Variants in PRMT8 observed in about 807,000 individuals in gnomAD.
The protein encoded by PRMT8 is protein arginine N-methyltransferase 8.
In PRMT8, 7 loss-of-function variants were observed where a neutral mutation model predicts 47.1. The ratio of observed to expected loss-of-function variants is 0.15; its 90% confidence interval spans 0.08 to 0.28. The LOEUF is 0.28. Among genes scored for constraint, PRMT8 ranks in the 10% least tolerant of loss-of-function variants. The probability of loss-of-function intolerance (pLI) is 1.00; values close to 1 mark genes in which losing one functional copy is unlikely to be tolerated. For missense variants in PRMT8, 237 were observed against 505.4 expected (o/e 0.47, Z 5.09); for synonymous variants, 188 against 186.5 (o/e 1.01, Z -0.07).
chr12:3,546,590 C>T (rs1866331746), intron 2 of PRMT8, among the ~76,000 whole-genome samples: 1 of 152,174 alleles, frequency 6.6e-6, no homozygotes, highest in South Asian at 2.1e-4. Context: ...AAAATGGATA[C>T]ATGCCTTGAA....
intron 2 of PRMT8, among the ~76,000 whole-genome samples, chr12:3,547,686 A>C (rs1188997235): frequency 1.3e-5 from 2 of 152,196 alleles, no homozygotes; most frequent in Non-Finnish European, 2.9e-5. Context: ...TTTTTTTGAA[A>C]AACTAAATAA....
At chr12:3,587,211 GA>G (rs1867197675) in intron 8 of PRMT8, among the ~76,000 whole-genome samples, 1 of 147,604 alleles carries the variant, frequency 6.8e-6, no homozygotes, top group Admixed American at 6.8e-5. Flanking sequence ...TTAATATAAT[GA>G]ATATCCATGA....
At position 3,593,626 on chromosome 12, in the gene PRMT8, G is replaced by A. The variant is rs148712100; in HGVS notation, c.*444G>A. On this transcript the variant is annotated 3_prime_UTR_variant, in exon 10 of 10. Transcript: ENST00000382622. This position sits in a 1 kb window ranked among gnomAD's most constrained non-coding sequence, Gnocchi z 4.8. ...TGTGTGCGGTGGTGTGCGTGTGCGT[G>A]CATGTGTGAATGTGAGCAGCATAGT... 402 of 208,828 alleles carry A rather than the reference G, an allele frequency of 1.9e-3. 2 individuals are homozygous for A. The highest frequency in any genetic ancestry group is 9.2e-3 in the African/African-American group (387 of 42,088). The allele number at this position is 208,828 out of a possible 1,614,324, so 12.9% of individuals were successfully genotyped here.
chr12:3,591,206 A>G (rs1248276498), intron 8 of PRMT8, among the ~76,000 whole-genome samples: 1 of 152,016 alleles, frequency 6.6e-6, no homozygotes, highest in East Asian at 1.9e-4. Context: ...AATGGCAGAT[A>G]TGGGGGAGGC....
At chr12:3,568,532 G>A (rs998947747) in intron 4 of PRMT8, among the ~76,000 whole-genome samples, 174 bp from the exon 5 acceptor site, 1 of 152,194 alleles carries the variant, frequency 6.6e-6, no homozygotes, top group Admixed American at 6.5e-5. Flanking sequence ...AAAACATGCA[G>A]GTAGTTTTCA....
At chr12:3,455,147 C>T (rs961798459) in intron 1 of PRMT8, among the ~76,000 whole-genome samples, 3 of 152,146 alleles carry the variant, frequency 2.0e-5, no homozygotes, top group African/African-American at 4.8e-5. Context: ...TAAACTCTTT[C>T]TCTGCTGCAG....
chr12:3,448,336 A>G (rs367851888), intron 1 of PRMT8, among the ~76,000 whole-genome samples: 27 of 152,224 alleles, frequency 1.8e-4, no homozygotes, highest in African/African-American at 6.0e-4. Flanking sequence ...CATTGAGGGC[A>G]CCAAAGAGCT....
At chr12:3,454,471 G>T (rs182808608) in intron 1 of PRMT8, among the ~76,000 whole-genome samples, 9 of 152,238 alleles carry the variant, frequency 5.9e-5, no homozygotes, top group African/African-American at 2.2e-4. Flanking sequence ...TCTAGGGGAG[G>T]GGGGTGTCTA....
intron 1 of PRMT8, among the ~76,000 whole-genome samples, chr12:3,518,041 GA>G (rs71061121): frequency 0.99 from 146,701 of 147,528 alleles, 72,940 homozygotes; most frequent in Middle Eastern, 1. Context: ...CCCTTAAAGA[GA>G]AAAAAAAAAA....
intron 1 of PRMT8, among the ~76,000 whole-genome samples, chr12:3,397,960 A>C (rs1341036215): frequency 1.3e-5 from 2 of 152,146 alleles, no homozygotes; most frequent in African/African-American, 4.8e-5. Flanking sequence ...TTCGGGTGGG[A>C]GTGGCCTGAT....
intron 8 of PRMT8, among the ~76,000 whole-genome samples, chr12:3,591,337 C>G (rs978147711): frequency 1.3e-5 from 2 of 151,938 alleles, no homozygotes; most frequent in Non-Finnish European, 2.9e-5. Context: ...ACACCTGAAA[C>G]CCTACAGCAG....
intron 1 of PRMT8, among the ~76,000 whole-genome samples, chr12:3,505,360 G>A (rs925783945): frequency 5.3e-5 from 8 of 152,222 alleles, no homozygotes; most frequent in Admixed American, 4.6e-4. Flanking sequence ...GCAAATGGCT[G>A]ATGAATGGCC....
Position 3,538,968 on chromosome 12 carries a change from TC to T in PRMT8, c.76-1634del, listed in dbSNP as rs560523578. Among the ~76,000 whole-genome samples, 12 of 152,224 alleles carry T rather than the reference TC, an allele frequency of 7.9e-5. No homozygotes were observed. The highest frequency in any genetic ancestry group is 2.9e-4 in the African/African-American group (12 of 41,540). On this transcript the variant is annotated intron_variant, in intron 1 of 9. Transcript: ENST00000382622. This position sits in a 1 kb window ranked among gnomAD's most constrained non-coding sequence, Gnocchi z 4.6. ...GACCATCCCACTGCCCCCAGCTCACTCCCCTGCAGCCCTGGACACAGAACAG... is the reference window on the plus strand; with the variant it reads ...GACCATCCCACTGCCCCCAGCTCACTCCCTGCAGCCCTGGACACAGAACAG...
chr12:3,549,870 T>C (rs1381787459), intron 2 of PRMT8, 66 bp from the exon 3 acceptor site: 1 of 1,577,598 alleles, frequency 6.3e-7, no homozygotes, highest in African/African-American at 1.3e-5. Flanking sequence ...CAGGGGCTCA[T>C]AGCCATGGTG....
At chr12:3,490,715 GAGAGAA>G (rs891204912), upstream of PRMT8, among the ~76,000 whole-genome samples, 5 of 126,562 alleles carry the variant, frequency 4.0e-5, no homozygotes, top group East Asian at 2.3e-4. Flanking sequence ...GAGAGAGAGA[GAGAGAA>G]AAGGATAAAG....
At chr12:3,540,522 G>T (rs529461315) in intron 1 of PRMT8, 84 bp from the exon 2 acceptor site, 2 of 916,842 alleles carry the variant, frequency 2.2e-6, no homozygotes, top group African/African-American at 1.6e-5. Flanking sequence ...GGCTCAGGGA[G>T]GGGGAAGGAA....
In PRMT8 at chr12:3,446,601, G is replaced by A. The variant is rs189368593; in HGVS notation, c.48+65159G>A. Among the ~76,000 whole-genome samples, 23 of 152,258 alleles carry A rather than the reference G, an allele frequency of 1.5e-4. No homozygotes were observed. In the East Asian group the frequency reaches 3.5e-3, roughly 23 times the overall value. ...TTTCCATCAGACTTCTATTGGAAAC[G>A]GAGTCCCAGCTGTGTGTCATATAGG... On this transcript the variant is annotated intron_variant, in intron 1 of 9. Transcript: ENST00000452611.
chr12:3,480,696 T>C (rs908961768), intron 1 of PRMT8, among the ~76,000 whole-genome samples: 5 of 152,148 alleles, frequency 3.3e-5, no homozygotes, highest in African/African-American at 1.2e-4. Flanking sequence ...CTGATGCCTA[T>C]AGTCCACGGC....
rs996557668 is a variant in PRMT8 at position 3,397,747 on chromosome 12, T to A, written c.48+16305T>A. Among the ~76,000 whole-genome samples the A allele has an allele frequency of 3.3e-3, 503 of 151,172 alleles. 5 individuals carry two copies. Among genetic ancestry groups the A allele is most frequent in the African/African-American group, 9.2e-3 (378 of 41,104 alleles). ...GCTGTGGTGGGCTCCCCCCAGTTCG[T>A]GCTTCCCGGCTGCTTTGTTTACCTC... On this transcript the variant is annotated intron_variant, in intron 1 of 9. Transcript: ENST00000452611.
Sources: allele counts gnomAD v4.1 joint callset (sites outside exome capture counted in the v4.1 genomes callset), GRCh38; gene constraint gnomAD v4.1.1; non-coding constraint Gnocchi (gnomAD v3.1); transcripts MANE v1.5; gene names NCBI Gene and HGNC (gene_info 2026-07-23, HGNC 2026-07-21).